SPECC1: variants seen among roughly 807,000 people sequenced by gnomAD.
SPECC1 encodes the protein cytospin-B.
In SPECC1, 62 loss-of-function variants were observed where a neutral mutation model predicts 104.1. That is an observed-to-expected ratio of 0.60 (90% CI 0.49 to 0.74). SPECC1 has a LOEUF of 0.74. Ranked by LOEUF, SPECC1 falls within the 30% of genes least tolerant of loss-of-function variation. The pLI is 0.00. For synonymous variants in SPECC1, 513 were observed against 501.6 expected (o/e 1.02, Z -0.30); for missense variants, 1,306 against 1,310.5 (o/e 1.00, Z 0.05).
At chr17:20,073,158 C>A (rs903392981) in intron 1 of SPECC1, among the ~76,000 whole-genome samples, 22 of 152,100 alleles carry the variant, frequency 1.4e-4, no homozygotes, top group African/African-American at 5.3e-4. Flanking sequence ...GTTGGCTCAC[C>A]AGAAGCCCCT....
intron 1 of SPECC1, among the ~76,000 whole-genome samples, chr17:20,051,096 C>CTT (rs1311654174): frequency 7.2e-4 from 83 of 115,178 alleles, no homozygotes; most frequent in African/African-American, 2.8e-3. Context: ...TTCTTTCTTT[C>CTT]TTTCTTTCTT....
At chr17:20,050,992 C>T (rs1034962754) in intron 1 of SPECC1, among the ~76,000 whole-genome samples, 3 of 152,342 alleles carry the variant, frequency 2.0e-5, no homozygotes, top group Middle Eastern at 3.4e-3. Context: ...AACTGCTTTA[C>T]TGAAAATAGC....
At chr17:20,147,599 A>G (rs185313141) in intron 3 of SPECC1, among the ~76,000 whole-genome samples, 7 of 152,326 alleles carry the variant, frequency 4.6e-5, no homozygotes, top group African/African-American at 1.7e-4. Context: ...TGATAGATGA[A>G]AAAAATTGGC....
At chr17:20,162,506 A>G (rs1481975394) in intron 3 of SPECC1, among the ~76,000 whole-genome samples, 2 of 152,168 alleles carry the variant, frequency 1.3e-5, no homozygotes, top group Non-Finnish European at 2.9e-5. Context: ...AGAGTAATAT[A>G]ACCTACATTG....
intron 12 of SPECC1, among the ~76,000 whole-genome samples, chr17:20,296,467 T>C (rs918286424): frequency 2.6e-5 from 4 of 152,234 alleles, no homozygotes; most frequent in Non-Finnish European, 4.4e-5. Context: ...TGCCTCCAGC[T>C]TTGTGCTTTT....
chr17:20,121,271 A>G (rs1357005219), intron 3 of SPECC1, among the ~76,000 whole-genome samples: 1 of 152,160 alleles, frequency 6.6e-6, no homozygotes, highest in Non-Finnish European at 1.5e-5. Context: ...TGCCCACCAC[A>G]GGTTTCCATA....
intron 1 of SPECC1, among the ~76,000 whole-genome samples, chr17:20,026,894 C>A (rs937013469): frequency 1.3e-5 from 2 of 152,112 alleles, no homozygotes; most frequent in African/African-American, 2.4e-5. Flanking sequence ...CAATTTGCAT[C>A]CCTACCCACA....
chr17:20,018,578 C>T (rs2044242061), intron 1 of SPECC1, among the ~76,000 whole-genome samples: 1 of 152,172 alleles, frequency 6.6e-6, no homozygotes, highest in Non-Finnish European at 1.5e-5. Context: ...TAATTTATTT[C>T]TGTGTTGGGG....
chr17:20,037,854 G>C (rs2045155463), intron 1 of SPECC1, among the ~76,000 whole-genome samples: 1 of 151,778 alleles, frequency 6.6e-6, no homozygotes, highest in Non-Finnish European at 1.5e-5. Context: ...GTTAAGGAAG[G>C]GTATAATTAC....
At chr17:20,046,272 A>G (rs1349420975) in intron 1 of SPECC1, among the ~76,000 whole-genome samples, 2 of 152,052 alleles carry the variant, frequency 1.3e-5, no homozygotes, top group African/African-American at 2.4e-5. Flanking sequence ...TATCAAATTA[A>G]TATTATTTTT....
chr17:20,239,044 A>G (rs1013186565), intron 7 of SPECC1: 80 of 1,033,344 alleles, frequency 7.7e-5, no homozygotes, highest in Non-Finnish European at 8.7e-5. Flanking sequence ...GTAAGTTGTA[A>G]ATAGGAGGTT....
chr17:20,265,060 T>C (rs568228174), intron 12 of SPECC1, among the ~76,000 whole-genome samples: 70 of 152,348 alleles, frequency 4.6e-4, no homozygotes, highest in Non-Finnish European at 5.7e-4. Flanking sequence ...TTTATGTTTT[T>C]TCTACTGTGA....
chr17:20,128,806 A>G (rs2049452595), intron 3 of SPECC1, among the ~76,000 whole-genome samples: 1 of 152,166 alleles, frequency 6.6e-6, no homozygotes, highest in South Asian at 2.1e-4. Flanking sequence ...TGATATTCAA[A>G]TATAATTTTA....
At chr17:20,127,726 T>C (rs1228243539) in intron 3 of SPECC1, among the ~76,000 whole-genome samples, 1 of 152,194 alleles carries the variant, frequency 6.6e-6, no homozygotes, top group African/African-American at 2.4e-5. Flanking sequence ...CTTTTCTATG[T>C]ATTTTGTTTT....
At chr17:20,278,907 C>T (rs1403898075) in intron 12 of SPECC1, among the ~76,000 whole-genome samples, 1 of 152,162 alleles carries the variant, frequency 6.6e-6, no homozygotes, top group Non-Finnish European at 1.5e-5. Flanking sequence ...AAGAATGTGT[C>T]ATCCTCCTGG....
At chr17:20,032,737 C>T (rs893465751) in intron 1 of SPECC1, among the ~76,000 whole-genome samples, 1 of 151,510 alleles carries the variant, frequency 6.6e-6, no homozygotes, top group African/African-American at 2.4e-5. Flanking sequence ...ATAATGGTTA[C>T]TCCAAAGTCT....
At chr17:20,038,281 G>A (rs1352050604) in intron 1 of SPECC1, among the ~76,000 whole-genome samples, 2 of 149,356 alleles carry the variant, frequency 1.3e-5, no homozygotes, top group African/African-American at 5.0e-5. Flanking sequence ...CATCTTCTGT[G>A]TTCTTGAGAT....
At chr17:20,179,106 T>TTAGGAAGAAA (rs16711) in intron 3 of SPECC1, among the ~76,000 whole-genome samples, 107,297 of 151,716 alleles carry the variant, frequency 0.71, 39,728 homozygotes, top group East Asian at 0.99. Flanking sequence ...TTTGGTTGGC[T>TTAGGAAGAAA]AATAAATTTT....
In SPECC1 at chr17:20,062,758, G is replaced by A. The variant is rs550498000; in HGVS notation, c.-21-33873G>A. The stretch of plus-strand genomic sequence containing the variant: ...GGCTGGAGTGCACTGGTGGGATCTC[G>A]GCTCACTGCAACCTCTGCCACCTGG... On this transcript the variant is annotated intron_variant, in intron 1 of 14. Coordinates refer to ENST00000395527, the MANE Select transcript of SPECC1 (RefSeq NM_001243439.2). Among the ~76,000 whole-genome samples the A allele has an allele frequency of 2.0e-5, 3 of 149,638 alleles. No individual in the cohort carries two copies. The South Asian group carries it at 6.4e-4, about 32-fold the overall frequency.
Sources: allele counts gnomAD v4.1 joint callset (sites outside exome capture counted in the v4.1 genomes callset), GRCh38; gene constraint gnomAD v4.1.1; transcripts MANE v1.5; gene names NCBI Gene and HGNC (gene_info 2026-07-23, HGNC 2026-07-21).